The following TRIM2 variants were observed in gnomAD, a reference collection of about 807,000 sequenced individuals.
TRIM2 encodes tripartite motif containing 2.
TRIM2 carries 20 observed loss-of-function variants against 75.2 expected under a neutral mutation model. The ratio of observed to expected loss-of-function variants is 0.27; its 90% CI spans 0.19 to 0.39. The LOEUF is 0.39. Ranked by LOEUF, TRIM2 falls within the 10% of genes least tolerant of loss-of-function variation. TRIM2 has a pLI of 1.00. For missense variants in TRIM2, 660 were observed against 990.8 expected, an observed-to-expected ratio of 0.67 and a Z score of 4.48; for synonymous variants, 373 against 388.3, an observed-to-expected ratio of 0.96 and a Z score of 0.46.
intron 1 of TRIM2, among the ~76,000 whole-genome samples, chr4:153,264,622 T>C (rs1754440524): frequency 6.6e-6 from 1 of 152,208 alleles, no homozygotes; most frequent in Admixed American, 6.5e-5. Context: ...CCAGAAACTG[T>C]GGTAGTGCCC....
At chr4:153,205,572 G>A (rs1343505035) in intron 1 of TRIM2, among the ~76,000 whole-genome samples, 2 of 152,122 alleles carry the variant, frequency 1.3e-5, no homozygotes, top group African/African-American at 2.4e-5. Context: ...TGAGCCCCGT[G>A]GTGTGGAGTC....
At chr4:153,306,768 A>G (rs1329648930) in intron 6 of TRIM2, among the ~76,000 whole-genome samples, 1 of 152,220 alleles carries the variant, frequency 6.6e-6, no homozygotes, top group Non-Finnish European at 1.5e-5. Flanking sequence ...GTAGCTTGCA[A>G]TTGGCCTGGA....
intron 3 of TRIM2, among the ~76,000 whole-genome samples, chr4:153,276,853 A>G (rs1758146554): frequency 6.6e-6 from 1 of 152,262 alleles, no homozygotes; most frequent in Non-Finnish European, 1.5e-5. Flanking sequence ...TCAGTTAAAA[A>G]AAAGTAATAA....
At chr4:153,206,217 G>A (rs1210522224) in intron 1 of TRIM2, among the ~76,000 whole-genome samples, 4 of 152,190 alleles carry the variant, frequency 2.6e-5, no homozygotes, top group Non-Finnish European at 4.4e-5. Context: ...AGGCTGCCCC[G>A]ACCTCAGAGG....
intron 1 of TRIM2, among the ~76,000 whole-genome samples, chr4:153,251,394 A>G (rs62323712): frequency 0.23 from 35,359 of 152,172 alleles, 4,777 homozygotes; most frequent in South Asian, 0.35. Flanking sequence ...CATCATAACA[A>G]TACTTCCTCT....
intron 1 of TRIM2, among the ~76,000 whole-genome samples, chr4:153,184,829 A>T (rs1293536620): frequency 6.6e-6 from 1 of 152,226 alleles, no homozygotes; most frequent in Non-Finnish European, 1.5e-5. Context: ...AGGAAAGCAC[A>T]TGTTCTGCTG....
At chr4:153,304,294 A>G (rs1302216313) in intron 6 of TRIM2, among the ~76,000 whole-genome samples, 1 of 151,848 alleles carries the variant, frequency 6.6e-6, no homozygotes, top group African/African-American at 2.4e-5. Context: ...TTGTATTTTC[A>G]GTAGAGATGG....
At chr4:153,288,614 A>G (rs1461493285) in intron 3 of TRIM2, among the ~76,000 whole-genome samples, 2 of 152,080 alleles carry the variant, frequency 1.3e-5, no homozygotes, top group East Asian at 3.9e-4. Context: ...TTGGATGTGT[A>G]GATTTGTGTC....
chr4:153,261,430 G>GA (rs374926664), intron 1 of TRIM2, among the ~76,000 whole-genome samples: 11 of 149,596 alleles, frequency 7.4e-5, no homozygotes, highest in African/African-American at 2.2e-4. Flanking sequence ...CTTAGGGAGA[G>GA]AAAAAAAAAG....
At chr4:153,214,112 A>T (rs1278055396) in intron 1 of TRIM2, among the ~76,000 whole-genome samples, 1 of 152,242 alleles carries the variant, frequency 6.6e-6, no homozygotes, top group African/African-American at 2.4e-5. Context: ...AAAGATTTTT[A>T]AAGTGAAATT....
At chr4:153,205,907 T>C (rs934402768) in intron 1 of TRIM2, among the ~76,000 whole-genome samples, 7 of 152,228 alleles carry the variant, frequency 4.6e-5, no homozygotes, top group Admixed American at 2.0e-4. Context: ...CAGGTTCTCC[T>C]GGTGCGGTCC....
At chr4:153,324,013 A>G in intron 9 of TRIM2, 65 bp from the exon 10 acceptor site, 1 of 1,258,882 alleles carries the variant, frequency 7.9e-7, no homozygotes, top group Non-Finnish European at 1.1e-6. Context: ...TGTTTGTTAC[A>G]GTAACTGCTA....
chr4:153,276,161 G>T (rs1035740619), intron 3 of TRIM2, 31 bp downstream of exon 3: 4 of 1,574,938 alleles, frequency 2.5e-6, no homozygotes, highest in Non-Finnish European at 3.5e-6. Context: ...ATACTGCCCG[G>T]GAGCATGACT....
At position 153,328,592 on chromosome 4, in the gene TRIM2, G is replaced by A. The variant is rs141479735; in HGVS notation, c.2085G>A (p.Gln695=). The A allele has an allele frequency of 3.7e-5, 60 of 1,613,126 alleles. No individual in the cohort carries two copies. In the African/African-American group the frequency reaches 3.9e-4, roughly 10 times the overall value. The change falls in exon 11 of 12, where the codon CAG becomes CAA. Residue 695 remains glutamine, a synonymous_variant. Coordinates refer to ENST00000338700, the MANE Select transcript of TRIM2 (RefSeq NM_015271.5). ...KFGSNGEGNG[Q]FNAPTGVAVD... ...GCTCAAATGGAGAAGGAAATGGGCA[G>A]TTTAATGCTCCAACAGGTGTAGCAG... is the stretch of plus-strand genomic sequence containing the variant.
At chr4:153,188,175 G>A (rs1056451178) in intron 1 of TRIM2, among the ~76,000 whole-genome samples, 6 of 152,276 alleles carry the variant, frequency 3.9e-5, no homozygotes, top group Middle Eastern at 3.4e-3. Flanking sequence ...TTGTAAGAGC[G>A]AGGGCCAGGC....
At chr4:153,221,307 A>G (rs1398797815) in intron 1 of TRIM2, among the ~76,000 whole-genome samples, 2 of 152,166 alleles carry the variant, frequency 1.3e-5, no homozygotes, top group Non-Finnish European at 2.9e-5. Flanking sequence ...GTGTGCCTAT[A>G]ATCCCAATTA....
chr4:153,217,823 A>G (rs1358694433), intron 1 of TRIM2, among the ~76,000 whole-genome samples: 1 of 152,246 alleles, frequency 6.6e-6, no homozygotes, highest in Non-Finnish European at 1.5e-5. Flanking sequence ...ACCAAGATTG[A>G]GAAAATTTCA....
At chr4:153,244,355 C>CTTCTTCCTCTTCTTCTTCTCCTTCTTCT (rs1748079616) in intron 1 of TRIM2, among the ~76,000 whole-genome samples, 2 of 12,714 alleles carry the variant, frequency 1.6e-4, no homozygotes, top group Non-Finnish European at 2.6e-4. Flanking sequence ...CTTCTTCTTC[C>CTTCTTCCTCTTCTTCTTCTCCTTCTTCT]TCTTCTTCTT....
chr4:153,215,320 T>C (rs1738180705), intron 1 of TRIM2, among the ~76,000 whole-genome samples: 1 of 152,000 alleles, frequency 6.6e-6, no homozygotes, highest in African/African-American at 2.4e-5. Flanking sequence ...TTGGAAACCC[T>C]TGGGGTTCAA....
Sources: gnomAD v4.1 joint callset for allele counts (sites outside exome capture counted in the v4.1 genomes callset) on GRCh38, gnomAD v4.1.1 for gene constraint, MANE v1.5 for transcripts, NCBI Gene and HGNC (gene_info 2026-07-23, HGNC 2026-07-21) for gene names.